Variants in PSME4 observed in about 807,000 individuals in gnomAD.
PSME4 encodes the protein proteasome activator subunit 4.
In PSME4, 89 loss-of-function variants were observed where a neutral mutation model predicts 253.9. That is an observed-to-expected ratio of 0.35 (90% CI 0.30 to 0.42). PSME4 has a LOEUF of 0.42. Ranked by LOEUF, PSME4 falls within the 10% of genes least tolerant of loss-of-function variation. The pLI, the probability that PSME4 is intolerant of heterozygous loss-of-function variation, is 1.00. For synonymous variants in PSME4, 851 were observed against 759.2 expected (o/e 1.12, Z -1.99); for missense variants, 2,014 against 2,195.2 (o/e 0.92, Z 1.65).
In PSME4 at chr2:53,920,330, G is replaced by T; in HGVS notation, c.2283C>A (p.Asp761Glu). The change falls in exon 19 of 47, where the codon GAC becomes GAA. Residue 761 changes from aspartate to glutamate, a missense_variant. Asp to Glu is a conservative substitution (Grantham distance 45, BLOSUM62 2). Coordinates refer to ENST00000404125, the MANE Select transcript of PSME4 (RefSeq NM_014614.3). ...FPIKDWGKPG[D>E]LWNLGIQWHV... The stretch of plus-strand genomic sequence containing the variant: ...GCCACTGGATTCCCAGATTCCACAA[G>T]TCCCCGGGTTTGCCCCAGTCCTAGA... 6.2e-7 allele frequency: 1 copy of T among 1,613,136 alleles called. No homozygotes were observed.
intron 1 of PSME4, among the ~76,000 whole-genome samples, chr2:53,969,277 G>A (rs1670907887): frequency 6.6e-6 from 1 of 152,098 alleles, no homozygotes; most frequent in Admixed American, 6.5e-5. Flanking sequence ...TGTTAACCTT[G>A]ACATTTTATG....
In PSME4 at chr2:53,928,110, T is replaced by C; in HGVS notation, c.1503+7A>G. The C allele has an allele frequency of 6.2e-7, 1 of 1,610,584 alleles. No homozygotes were observed. Among genetic ancestry groups the C allele is most frequent in the Non-Finnish European group, 8.5e-7 (1 of 1,177,132 alleles). On this transcript the variant is annotated splice_region_variant and intron_variant, in intron 11 of 46. Transcript: ENST00000404125. Reference sequence around the variant, plus strand: ...AATACGGAGTGTATAATCACCAATATACTCACCATGCATTTACTAAAGTCA... The same window carrying C: ...AATACGGAGTGTATAATCACCAATACACTCACCATGCATTTACTAAAGTCA...
chr2:53,888,083 C>T (rs530183098), intron 38 of PSME4, 94 bp from the exon 39 acceptor site: 18 of 1,323,974 alleles, frequency 1.4e-5, no homozygotes, highest in African/African-American at 1.1e-4. Context: ...TCACTTAAAG[C>T]TTTTTCGTTT....
chr2:53,908,519 A>G lies in PSME4; in HGVS notation c.2676T>C (p.Leu892=). 2 of 1,610,144 alleles carry G rather than the reference A, an allele frequency of 1.2e-6. No homozygotes were observed. The highest frequency in any genetic ancestry group is 1.1e-5 in the South Asian group (1 of 90,186). The change falls in exon 23 of 47, where the codon CTT becomes CTC. Residue 892 remains leucine, a synonymous_variant. Transcript: ENST00000404125. ...NSEDDTKSLF[L]IIKIIGDLLQ... ...CAAATGACAAATGTACCTTTATAAT[A>G]AGAAACAATGACTTAGTATCATCTT...
At chr2:53,888,363 T>A (rs1039224792) in intron 38 of PSME4, 5 of 236,218 alleles carry the variant, frequency 2.1e-5, no homozygotes, top group Non-Finnish European at 2.4e-5. Flanking sequence ...ACAAGGCAGT[T>A]TTTCCTTGAA....
intron 8 of PSME4, 41 bp from the exon 9 acceptor site, chr2:53,932,801 T>A: frequency 6.6e-7 from 1 of 1,510,160 alleles, no homozygotes; most frequent in Middle Eastern, 1.7e-4. Flanking sequence ...ACCCACATCA[T>A]ACTGTAAAAA....
intron 1 of PSME4, among the ~76,000 whole-genome samples, chr2:53,950,187 G>A (rs796590890): frequency 3.8e-4 from 58 of 152,152 alleles, no homozygotes; most frequent in African/African-American, 1.2e-3. Context: ...GGCTGAGGTG[G>A]GAGGATCACT....
At chr2:53,942,407 A>C (rs1669494456) in intron 3 of PSME4, among the ~76,000 whole-genome samples, 1 of 152,036 alleles carries the variant, frequency 6.6e-6, no homozygotes. Context: ...CAGAGTAACT[A>C]AGCTTTGGAT....
In PSME4 at chr2:53,898,370, G is replaced by A. The variant is rs774135824; in HGVS notation, c.3423-16C>T. The stretch of plus-strand genomic sequence containing the variant: ...TTCATAGTTCCTTTAAAAAAAAGGT[G>A]AGGTATTATTTTACTATAATACTAA... On this transcript the variant is annotated splice_polypyrimidine_tract_variant and intron_variant, in intron 29 of 46. Transcript: ENST00000404125. 28 of 1,575,054 alleles carry A rather than the reference G, an allele frequency of 1.8e-5. No homozygotes were observed. The highest frequency in any genetic ancestry group is 6.8e-5 in the African/African-American group (5 of 73,496).
Position 53,934,616 on chromosome 2 carries a change from T to C in PSME4, c.946A>G (p.Thr316Ala), listed in dbSNP as rs767625706. The C allele has an allele frequency of 1.2e-6, 2 of 1,610,464 alleles. No homozygotes were observed. Among genetic ancestry groups the C allele is most frequent in the South Asian group, 1.1e-5 (1 of 90,258 alleles). ...AATGTATTACAAACCATCATGGCGG[T>C]GATCCATATTACAGCATGTCCTATA... is the stretch of plus-strand genomic sequence containing the variant. ...YDIGHAVIWI[T>A]AMMGGPSKLV... Residue 316 changes from threonine to alanine, a missense_variant, in exon 8 of 47, where the codon ACC (threonine) becomes GCC (alanine). Physicochemically the swap from Thr to Ala is moderately conservative, Grantham distance 58. Transcript: ENST00000404125.
At chr2:53,905,175 G>A (rs765220984) in intron 26 of PSME4, among the ~76,000 whole-genome samples, 10 of 150,980 alleles carry the variant, frequency 6.6e-5, no homozygotes, top group Non-Finnish European at 1.2e-4. Context: ...GACTATAGGC[G>A]CATGCCACCA....
chr2:53,881,145 G>A (rs115719959), intron 41 of PSME4, among the ~76,000 whole-genome samples: 1 of 152,110 alleles, frequency 6.6e-6, no homozygotes, highest in African/African-American at 2.4e-5. Context: ...ATGTTAACCA[G>A]TAGAAAATGC....
chr2:53,878,563 C>T (rs182231430), intron 41 of PSME4, among the ~76,000 whole-genome samples: 6 of 152,200 alleles, frequency 3.9e-5, no homozygotes, highest in Non-Finnish European at 7.3e-5. Flanking sequence ...TCGCTGAATT[C>T]TTTTTCTCAG....
At chr2:53,867,884 CAG>C (rs1304943616) in intron 44 of PSME4, among the ~76,000 whole-genome samples, 1 of 151,786 alleles carries the variant, frequency 6.6e-6, no homozygotes, top group African/African-American at 2.4e-5. Flanking sequence ...TTTCTTAAAA[CAG>C]AGAATTGCAG....
At chr2:53,898,817 T>A (rs1366400842) in intron 29 of PSME4, among the ~76,000 whole-genome samples, 2 of 152,160 alleles carry the variant, frequency 1.3e-5, no homozygotes, top group Non-Finnish European at 1.5e-5. Flanking sequence ...GCTTGAGTGT[T>A]ATCAGTGAAG....
At chr2:53,871,411 G>C (rs1217275277) in intron 43 of PSME4, among the ~76,000 whole-genome samples, 1 of 151,922 alleles carries the variant, frequency 6.6e-6, no homozygotes, top group Non-Finnish European at 1.5e-5. Flanking sequence ...CCGCTGCCAC[G>C]CCTGGCTAAT....
At chr2:53,903,319 T>C (rs1573249831) in intron 27 of PSME4, among the ~76,000 whole-genome samples, 1 of 152,324 alleles carries the variant, frequency 6.6e-6, no homozygotes, top group South Asian at 2.1e-4. Context: ...AGCAACTAGT[T>C]GTACGATCCA....
chr2:53,920,865 T>C, intron 18 of PSME4, 24 bp downstream of exon 18: 1 of 1,543,852 alleles, frequency 6.5e-7, no homozygotes, highest in Non-Finnish European at 8.9e-7. Flanking sequence ...TATTCTTGAA[T>C]CCTAAAGTAC....
chr2:53,920,959 A>G lies in PSME4; in HGVS notation c.2192T>C (p.Ile731Thr), dbSNP rs757694833. ...LHHLLRSTTL[I>T]YPTEYCSVPG... is the part of the protein sequence containing the mutation. ...CACACTGCAGTATTCTGTAGGGTAG[A>G]TAAGTGTGGTAGAACGGAGAAGATG... The change falls in exon 18 of 47, where the codon ATC becomes ACC. Residue 731 changes from isoleucine to threonine, a missense_variant. Ile to Thr is a moderately conservative substitution (Grantham distance 89). Transcript: ENST00000404125. The G allele has an allele frequency of 4.3e-6, 7 of 1,614,102 alleles. No homozygotes were observed. The highest frequency in any genetic ancestry group is 4.5e-5 in the East Asian group (2 of 44,860).
Sources: gnomAD v4.1 joint callset for allele counts (sites outside exome capture counted in the v4.1 genomes callset) on GRCh38, gnomAD v4.1.1 for gene constraint, MANE v1.5 for transcripts, NCBI Gene and HGNC (gene_info 2026-07-23, HGNC 2026-07-21) for gene names.